Variants in PLD1 observed in about 807,000 individuals in gnomAD.
PLD1 encodes choline phosphatase 1.
A neutral mutation model predicts 137.1 loss-of-function variants in PLD1; 112 were observed. The ratio of observed to expected loss-of-function variants is 0.82; its 90% CI spans 0.70 to 0.96. The LOEUF is 0.96. PLD1 is among the 40% of genes least tolerant of loss of function. The pLI, the probability that PLD1 is intolerant of heterozygous loss-of-function variation, is 0.00. For synonymous variants in PLD1, 431 were observed against 454.7 expected, an observed-to-expected ratio of 0.95 and a Z score of 0.66; for missense variants, 1,321 against 1,342.0, an observed-to-expected ratio of 0.98 and a Z score of 0.24.
At chr3:171,706,124 GTCTATCTATCTATCTA>G (rs59943551) in intron 11 of PLD1, among the ~76,000 whole-genome samples, 5 of 146,774 alleles carry the variant, frequency 3.4e-5, no homozygotes, top group Admixed American at 1.4e-4. Context: ...GGGTCAGTCA[GTCTATCTATCTATCTA>G]TCTATCTATC....
At chr3:171,719,107 A>G (rs1441858972) in intron 8 of PLD1, among the ~76,000 whole-genome samples, 2 of 152,074 alleles carry the variant, frequency 1.3e-5, no homozygotes, top group Non-Finnish European at 2.9e-5. Context: ...TTTGGGCTCT[A>G]TCGTTGCTGT....
At chr3:171,763,710 A>G (rs1364488170) in intron 1 of PLD1, among the ~76,000 whole-genome samples, 1 of 151,874 alleles carries the variant, frequency 6.6e-6, no homozygotes, top group Non-Finnish European at 1.5e-5. Context: ...TCTTGGGTGT[A>G]TGTATGTGTA....
intron 19 of PLD1, among the ~76,000 whole-genome samples, chr3:171,667,861 C>T (rs370111361): frequency 1.3e-5 from 2 of 152,298 alleles, no homozygotes; most frequent in South Asian, 4.1e-4. Flanking sequence ...AAGCAATTCT[C>T]CTGCCTCAGC....
chr3:171,703,988 A>T (rs1005742509), intron 11 of PLD1, among the ~76,000 whole-genome samples: 1 of 152,240 alleles, frequency 6.6e-6, no homozygotes, highest in Non-Finnish European at 1.5e-5. Flanking sequence ...ATTGCAGAGC[A>T]CAGTAAATAA....
At chr3:171,685,653 A>C (rs1285561916) in intron 16 of PLD1, among the ~76,000 whole-genome samples, 2 of 152,234 alleles carry the variant, frequency 1.3e-5, no homozygotes, top group Admixed American at 6.5e-5. Context: ...TATGATGATT[A>C]CTTATCCCCA....
At chr3:171,727,837 T>G (rs192924399) in intron 6 of PLD1, among the ~76,000 whole-genome samples, 6 of 152,262 alleles carry the variant, frequency 3.9e-5, no homozygotes, top group South Asian at 2.1e-4. Flanking sequence ...TAAAAAAAAA[T>G]TACAAATATC....
intron 21 of PLD1, among the ~76,000 whole-genome samples, chr3:171,645,245 C>T (rs1187821674): frequency 4.6e-5 from 7 of 152,058 alleles, no homozygotes; most frequent in Non-Finnish European, 7.4e-5. Context: ...CTAAACTTGG[C>T]AGTAAAGTAG....
chr3:171,710,777 G>C (rs1717130854), intron 9 of PLD1, among the ~76,000 whole-genome samples: 1 of 151,782 alleles, frequency 6.6e-6, no homozygotes, highest in Non-Finnish European at 1.5e-5. Flanking sequence ...ACAAAGCTAA[G>C]CAAAATGGCA....
At chr3:171,635,965 C>CTTTTTTTTTTTTTT (rs71178231) in intron 23 of PLD1, among the ~76,000 whole-genome samples, 22 of 49,282 alleles carry the variant, frequency 4.5e-4, no homozygotes, top group African/African-American at 9.2e-4. Flanking sequence ...GGTTCAACTT[C>CTTTTTTTTTTTTTT]TTTTTTTTTT....
intron 1 of PLD1, among the ~76,000 whole-genome samples, chr3:171,759,054 G>A (rs1721221157): frequency 2.0e-5 from 3 of 151,886 alleles, no homozygotes; most frequent in African/African-American, 7.3e-5. Context: ...CAATCCAGCA[G>A]TTGCTTCTTG....
chr3:171,781,309 A>G (rs1722788781), intron 1 of PLD1, among the ~76,000 whole-genome samples: 1 of 152,058 alleles, frequency 6.6e-6, no homozygotes, highest in East Asian at 1.9e-4. Context: ...CTCACACCAC[A>G]CTCAAAAATT....
chr3:171,770,459 G>A (rs1443119225), intron 1 of PLD1, among the ~76,000 whole-genome samples: 1 of 152,208 alleles, frequency 6.6e-6, no homozygotes, highest in Non-Finnish European at 1.5e-5. Context: ...CCAGTGGGGT[G>A]AGGGAGGACA....
At chr3:171,731,409 T>C (rs6773632) in intron 6 of PLD1, among the ~76,000 whole-genome samples, 1 of 151,904 alleles carries the variant, frequency 6.6e-6, no homozygotes, top group Admixed American at 6.6e-5. Flanking sequence ...AGAGAATTAA[T>C]GTATATCAAA....
At chr3:171,635,029 G>A (rs778019136) in intron 23 of PLD1, among the ~76,000 whole-genome samples, 1 of 152,038 alleles carries the variant, frequency 6.6e-6, no homozygotes, top group Admixed American at 6.6e-5. Context: ...GACAATATGT[G>A]GCCTTTTGTG....
intron 8 of PLD1, among the ~76,000 whole-genome samples, chr3:171,720,537 C>A (rs990937486): frequency 2.0e-5 from 3 of 150,770 alleles, no homozygotes; most frequent in African/African-American, 4.9e-5. Flanking sequence ...GAGCGGAGAT[C>A]AGGCCGCTGC....
chr3:171,685,318 G>C (rs537870104), intron 16 of PLD1, among the ~76,000 whole-genome samples: 28 of 152,242 alleles, frequency 1.8e-4, no homozygotes, highest in African/African-American at 6.0e-4. Flanking sequence ...CAAGCCACAG[G>C]TGACTCACAT....
At position 171,662,118 on chromosome 3, in the gene PLD1, G is replaced by A; in HGVS notation, c.2282C>T (p.Ser761Phe). The A allele has an allele frequency of 6.2e-7, 1 of 1,613,702 alleles. No homozygotes were observed. Among genetic ancestry groups the A allele is most frequent in the Non-Finnish European group, 8.5e-7 (1 of 1,179,582 alleles). The change falls in exon 20 of 27, where the codon TCC (serine) becomes TTC (phenylalanine). Residue 761 changes from serine (S) to phenylalanine (F), a missense_variant. Ser to Phe is a radical substitution (Grantham distance 155). Transcript: ENST00000351298. ...CACATGGACGTAAGCGGCGTGGATG[G>A]ACTCTTCATGGTACTTTATACCAGC... ...WSAGIKYHEE[S>F]IHAAYVHVIE...
chr3:171,633,826 C>CA (rs1268521914), intron 23 of PLD1, among the ~76,000 whole-genome samples: 6 of 151,976 alleles, frequency 3.9e-5, no homozygotes, highest in Admixed American at 3.9e-4. Flanking sequence ...CCAAAATTAA[C>CA]AAAAATTATA....
intron 8 of PLD1, among the ~76,000 whole-genome samples, chr3:171,715,464 T>G (rs57090061): frequency 0.36 from 54,493 of 151,740 alleles, 10,875 homozygotes; most frequent in African/African-American, 0.52. Flanking sequence ...GGTCTTTTGT[T>G]GTTTTATGTG....
Sources: gnomAD v4.1 joint callset for allele counts (sites outside exome capture counted in the v4.1 genomes callset) on GRCh38, gnomAD v4.1.1 for gene constraint, MANE v1.5 for transcripts, NCBI Gene and HGNC (gene_info 2026-07-23, HGNC 2026-07-21) for gene names.